Variants in VPS37A observed in about 807,000 individuals in gnomAD.
VPS37A encodes vacuolar protein sorting-associated protein 37A.
A neutral mutation model predicts 49.8 loss-of-function variants in VPS37A; 30 were observed. The observed-to-expected ratio is 0.60, with a 90% confidence interval of 0.45 to 0.82. The LOEUF (loss-of-function observed/expected upper bound fraction) is 0.82, where lower values mean the gene tolerates loss of function less well. Among genes scored for constraint, VPS37A ranks in the 40% least tolerant of loss-of-function variants. The pLI is 0.00. For missense variants in VPS37A, 593 were observed against 464.4 expected (o/e 1.28, Z -2.55); for synonymous variants, 195 against 160.6 (o/e 1.21, Z -1.62).
chr8:17,290,540 G>C (rs949515315), intron 11 of VPS37A, among the ~76,000 whole-genome samples: 1 of 152,156 alleles, frequency 6.6e-6, no homozygotes, highest in African/African-American at 2.4e-5. Flanking sequence ...ACTTGATCGT[G>C]GTGGATAAGC....
In VPS37A at chr8:17,274,971, A is replaced by G; in HGVS notation, c.642+13A>G. 6.2e-7 allele frequency: 1 copy of G among 1,607,930 alleles called. No homozygotes were observed. Among genetic ancestry groups the G allele is most frequent in the Non-Finnish European group, 8.5e-7 (1 of 1,174,570 alleles). ...TGCTTCAATACCGGTTGGTATCGTCAGTTATCTATATTTTGTGCCACTGAA... is the reference window on the plus strand; with the variant it reads ...TGCTTCAATACCGGTTGGTATCGTCGGTTATCTATATTTTGTGCCACTGAA... On this transcript the variant is annotated intron_variant, in intron 5 of 11. Transcript: ENST00000324849.
chr8:17,303,411 T>A (rs1373152544), downstream of VPS37A, among the ~76,000 whole-genome samples: 2 of 152,146 alleles, frequency 1.3e-5, no homozygotes, highest in African/African-American at 4.8e-5. Context: ...ATCAAGTCTG[T>A]GTCGGGAGTG....
intron 9 of VPS37A, among the ~76,000 whole-genome samples, chr8:17,282,954 C>T (rs1355039076): frequency 2.0e-5 from 3 of 152,066 alleles, no homozygotes; most frequent in Non-Finnish European, 4.4e-5. Context: ...ATAATAGGTA[C>T]TCAATAAATA....
At chr8:17,319,684 T>C in the VPS37A span, among the ~76,000 whole-genome samples, 4 of 152,316 alleles carry the variant, frequency 2.6e-5, no homozygotes, top group East Asian at 3.9e-4. Context: ...TCATTCTTGA[T>C]TGTGGAAACC....
Position 17,297,944 on chromosome 8 carries a change from CAT to C in VPS37A, c.*2961_*2962del, listed in dbSNP as rs1491495484. On this transcript the variant is annotated 3_prime_UTR_variant, in exon 12 of 12. Coordinates refer to ENST00000324849, the MANE Select transcript of VPS37A (RefSeq NM_152415.3). ...TTTATGACTCTGATATGGAAGTTGT[CAT>C]ATTAAAAAACTACATTTTAAAACAT... 6.6e-6 allele frequency: 1 copy of C among 152,018 alleles called. No homozygotes were observed. 9.4% of individuals were successfully genotyped at this position (152,018 alleles called of 1,614,324 possible). A position where few individuals can be genotyped will look rare whatever the true frequency, so the allele number is the denominator to read the frequency against.
At chr8:17,323,322 T>A in the VPS37A span, among the ~76,000 whole-genome samples, 1 of 151,984 alleles carries the variant, frequency 6.6e-6, no homozygotes, top group Non-Finnish European at 1.5e-5. Context: ...GGGGTCGAAA[T>A]CTACATCCCT....
chr8:17,280,257 A>C lies in VPS37A; in HGVS notation c.860A>C (p.Glu287Ala), dbSNP rs1183467688. The change falls in exon 8 of 12, where the codon GAG becomes GCG. Residue 287 changes from glutamate (E) to alanine (A), a missense_variant. By Grantham distance (107) the Glu-to-Ala change is moderately radical (BLOSUM62 -1). Transcript: ENST00000324849. ...EELARKNLLLEPSLEAKRQTV... is the reference protein window; with the variant it reads ...EELARKNLLLAPSLEAKRQTV... ...CTTACAGGAAAAAATCTCCTTTTGG[A>C]GCCCAGCTTGGAAGCCAAAAGACAA... is the stretch of plus-strand genomic sequence containing the variant. 1 of 1,612,608 alleles carries C rather than the reference A, an allele frequency of 6.2e-7. No individual in the cohort carries two copies. Among genetic ancestry groups the C allele is most frequent in the African/African-American group, 1.3e-5 (1 of 74,884 alleles).
chr8:17,263,895 C>G (rs1330283271), intron 1 of VPS37A, among the ~76,000 whole-genome samples: 1 of 152,074 alleles, frequency 6.6e-6, no homozygotes, highest in East Asian at 1.9e-4. Flanking sequence ...GAGCCAAGAT[C>G]GTGTCACCAC....
At chr8:17,319,119 G>A in the VPS37A span, among the ~76,000 whole-genome samples, 1 of 152,146 alleles carries the variant, frequency 6.6e-6, no homozygotes, top group Non-Finnish European at 1.5e-5. Flanking sequence ...CATGATATAC[G>A]CATGGGCAAT....
the VPS37A span, among the ~76,000 whole-genome samples, chr8:17,325,607 T>C: frequency 6.3e-3 from 961 of 152,292 alleles, 3 homozygotes; most frequent in Non-Finnish European, 0.01. Flanking sequence ...GCGTCCCACA[T>C]GCTCTGGGCT....
chr8:17,320,622 C>T, the VPS37A span, among the ~76,000 whole-genome samples: 228 of 152,240 alleles, frequency 1.5e-3, 1 homozygote, highest in African/African-American at 5.2e-3. Context: ...TGCATGGACC[C>T]AATTGGAAGA....
chr8:17,264,857 C>G (rs1414520281), intron 1 of VPS37A, among the ~76,000 whole-genome samples: 3 of 152,092 alleles, frequency 2.0e-5, no homozygotes, highest in Non-Finnish European at 4.4e-5. Flanking sequence ...GTTAGAATTT[C>G]AAGTGAGCCC....
At position 17,284,559 on chromosome 8, in the gene VPS37A, C is replaced by T. The variant is rs1815406729; in HGVS notation, c.1056C>T (p.Phe352=). Residue 352 remains phenylalanine, a synonymous_variant, in exon 10 of 12, where the codon TTC becomes TTT. Transcript: ENST00000324849. ...AATCTGATAATATTGCAGAAGACTTCTTGGAGGGAAAGATGGAAATAGATG... is the reference window on the plus strand; with the variant it reads ...AATCTGATAATATTGCAGAAGACTTTTTGGAGGGAAAGATGGAAATAGATG... The part of the protein sequence containing the change: ...EEESDNIAED[F]LEGKMEIDDF... 1 of 1,600,348 alleles carries T rather than the reference C, an allele frequency of 6.2e-7. No homozygotes were observed. The highest frequency in any genetic ancestry group is 1.1e-5 in the South Asian group (1 of 88,368).
rs1409666800 is a variant in VPS37A, at chr8:17,292,712, CTTATGAAGCTTAGT to C, written c.*1-2272_*1-2259del. Among the ~76,000 whole-genome samples, 21 of 152,156 alleles carry C rather than the reference CTTATGAAGCTTAGT, an allele frequency of 1.4e-4. 1 individual carries two copies. Among genetic ancestry groups the C allele is most frequent in the Admixed American group, 7.9e-4 (12 of 15,280 alleles). ...TGTAAAGGGTTTTATTTCTCCTCCACTTATGAAGCTTAGTTTGGCTGGATATGAAATTATTGGTT... is the reference window on the plus strand; with the variant it reads ...TGTAAAGGGTTTTATTTCTCCTCCACTTGGCTGGATATGAAATTATTGGTT... On this transcript the variant is annotated intron_variant, in intron 11 of 11. Coordinates refer to ENST00000324849, the MANE Select transcript of VPS37A (RefSeq NM_152415.3).
At chr8:17,306,390 GAA>G (rs772416803), downstream of VPS37A, among the ~76,000 whole-genome samples, 5 of 146,248 alleles carry the variant, frequency 3.4e-5, no homozygotes, top group Admixed American at 3.4e-4. Flanking sequence ...AAGACAACTT[GAA>G]AAAAAAAAAT....
the VPS37A span, among the ~76,000 whole-genome samples, chr8:17,315,806 G>A: frequency 2.0e-4 from 30 of 152,146 alleles, no homozygotes; most frequent in Non-Finnish European, 2.6e-4. Context: ...GAGTCAAGGA[G>A]TTCAAGAACA....
rs113313879 is a variant in VPS37A at position 17,275,965 on chromosome 8, A to G, written c.643-432A>G. On this transcript the variant is annotated intron_variant, in intron 5 of 11. Transcript: ENST00000324849. ...TCCTCAAGGATAAAAAGTCATATAT[A>G]TTCAAACAGTGGCTACTCGGTTGCT... Among the ~76,000 whole-genome samples, 706 of 152,306 alleles carry G rather than the reference A, an allele frequency of 4.6e-3. 6 individuals carry two copies. The highest frequency in any genetic ancestry group is 0.016 in the African/African-American group (673 of 41,576).
At chr8:17,302,265 C>A (rs746895229), downstream of VPS37A, 64 of 1,613,426 alleles carry the variant, frequency 4.0e-5, no homozygotes, top group Non-Finnish European at 5.2e-5. Context: ...AGCGGTTATA[C>A]ATTCCACTCC....
the VPS37A span, among the ~76,000 whole-genome samples, chr8:17,326,688 G>C: frequency 2.6e-5 from 4 of 152,176 alleles, no homozygotes; most frequent in African/African-American, 9.7e-5. Context: ...CAACATGTGG[G>C]GCCCTCAGCT....
Sources: allele counts gnomAD v4.1 joint callset (sites outside exome capture counted in the v4.1 genomes callset), GRCh38; gene constraint gnomAD v4.1.1; transcripts MANE v1.5; gene names NCBI Gene and HGNC (gene_info 2026-07-23, HGNC 2026-07-21).